Variants in ADGRL4 observed in about 807,000 individuals in gnomAD.
ADGRL4 encodes the protein adhesion G protein-coupled receptor L4.
In ADGRL4, 90 loss-of-function variants were observed where a neutral mutation model predicts 74.8. The ratio of observed to expected loss-of-function variants is 1.20; its 90% CI spans 1.02 to 1.43. The LOEUF is 1.43. Among genes scored for constraint, ADGRL4 ranks in the 40% most tolerant of loss-of-function variants. The probability of loss-of-function intolerance (pLI) is 0.00; values close to 1 mark genes in which losing one functional copy is unlikely to be tolerated. For missense variants in ADGRL4, 881 were observed against 814.3 expected, an observed-to-expected ratio of 1.08 and a Z score of -1.00; for synonymous variants, 311 against 279.2, an observed-to-expected ratio of 1.11 and a Z score of -1.14.
chr1:78,984,090 G>A (rs1650448733), intron 2 of ADGRL4, among the ~76,000 whole-genome samples: 1 of 151,726 alleles, frequency 6.6e-6, no homozygotes, highest in Non-Finnish European at 1.5e-5. Flanking sequence ...AGTACATTAA[G>A]AGACAGTAGA....
chr1:78,933,593 G>C (rs1466465201), intron 7 of ADGRL4, among the ~76,000 whole-genome samples: 1 of 151,360 alleles, frequency 6.6e-6, no homozygotes, highest in African/African-American at 2.5e-5. Flanking sequence ...AATCAGGCAA[G>C]AGAAAGAAAT....
At position 78,948,330 on chromosome 1, in the gene ADGRL4, A is replaced by G. The variant is rs1045485205; in HGVS notation, c.173-1904T>C. 2.0e-5 allele frequency among the ~76,000 whole-genome samples: 3 copies of G among 152,172 alleles called. No homozygotes were observed. In the East Asian group the frequency reaches 5.8e-4, roughly 29 times the overall value. ...GTATAGACCAGGTGGGTAATGTAAC[A>G]GTTTGATTCCATCAGGAGTCAGACA... On this transcript the variant is annotated intron_variant, in intron 2 of 14. Transcript: ENST00000370742.
At chr1:78,921,532 A>C (rs1648999465) in intron 9 of ADGRL4, 81 bp downstream of exon 9, 5 of 914,648 alleles carry the variant, frequency 5.5e-6, no homozygotes, top group Non-Finnish European at 7.6e-6. Context: ...AATATATAAA[A>C]AATTAAATAT....
intron 2 of ADGRL4, among the ~76,000 whole-genome samples, chr1:78,999,528 G>A (rs1044192666): frequency 2.6e-5 from 4 of 152,052 alleles, no homozygotes; most frequent in African/African-American, 7.2e-5. Flanking sequence ...AGCTGAGATC[G>A]CACCACTGCA....
intron 2 of ADGRL4, among the ~76,000 whole-genome samples, chr1:78,992,870 G>A (rs1342504996): frequency 6.6e-6 from 1 of 152,052 alleles, no homozygotes; most frequent in African/African-American, 2.4e-5. Flanking sequence ...ACAAATCTAT[G>A]TAACTTCAGA....
At chr1:78,960,999 T>C (rs1649940194) in intron 2 of ADGRL4, among the ~76,000 whole-genome samples, 1 of 152,238 alleles carries the variant, frequency 6.6e-6, no homozygotes, top group African/African-American at 2.4e-5. Context: ...TATTTATTCA[T>C]AAATAAATTG....
chr1:78,915,336 T>C (rs1244121433), intron 12 of ADGRL4, among the ~76,000 whole-genome samples: 1 of 151,880 alleles, frequency 6.6e-6, no homozygotes, highest in African/African-American at 2.4e-5. Flanking sequence ...CTCATTATAA[T>C]CTGGTATTCT....
intron 2 of ADGRL4, among the ~76,000 whole-genome samples, chr1:78,972,861 T>A (rs929352493): frequency 6.6e-6 from 1 of 152,190 alleles, no homozygotes; most frequent in African/African-American, 2.4e-5. Context: ...TGTTGCTGCA[T>A]ATCCCAGTCT....
intron 10 of ADGRL4, 28 bp from the exon 11 acceptor site, chr1:78,918,078 A>G (rs1648916913): frequency 7.0e-7 from 1 of 1,434,760 alleles, no homozygotes; most frequent in Admixed American, 1.9e-5. Context: ...AAAAAAAAAC[A>G]TTGTCAGTGT....
chr1:78,935,397 C>T (rs1649330961), intron 7 of ADGRL4, among the ~76,000 whole-genome samples: 1 of 151,924 alleles, frequency 6.6e-6, no homozygotes, highest in Non-Finnish European at 1.5e-5. Flanking sequence ...ACACCAGGGC[C>T]TGCTGGGGAG....
chr1:78,929,878 G>T (rs1000372134), intron 7 of ADGRL4, among the ~76,000 whole-genome samples: 3 of 151,234 alleles, frequency 2.0e-5, no homozygotes, highest in African/African-American at 7.4e-5. Flanking sequence ...CACTATAATC[G>T]GTATTTTCAA....
chr1:78,988,825 T>G (rs780323167), intron 2 of ADGRL4, among the ~76,000 whole-genome samples: 5 of 151,796 alleles, frequency 3.3e-5, no homozygotes, highest in Admixed American at 6.6e-5. Context: ...ACAAACAAAG[T>G]TGTGCTAATT....
chr1:79,001,651 C>T (rs569613523), intron 2 of ADGRL4, among the ~76,000 whole-genome samples: 1 of 152,070 alleles, frequency 6.6e-6, no homozygotes, highest in Admixed American at 6.6e-5. Context: ...CTTTGGTGAG[C>T]AGACTATTTA....
intron 8 of ADGRL4, among the ~76,000 whole-genome samples, chr1:78,924,374 A>T (rs1038483496): frequency 1.1e-4 from 17 of 152,046 alleles, no homozygotes; most frequent in African/African-American, 3.9e-4. Context: ...ACTGGAGAAT[A>T]TGCCACCAAA....
intron 3 of ADGRL4, among the ~76,000 whole-genome samples, chr1:78,945,424 T>G (rs1649580048): frequency 6.6e-6 from 1 of 151,934 alleles, no homozygotes; most frequent in African/African-American, 2.4e-5. Flanking sequence ...TAATAGTTAT[T>G]GATAAGTTGA....
chr1:78,905,398 T>C (rs1648615005), intron 12 of ADGRL4, among the ~76,000 whole-genome samples: 1 of 152,162 alleles, frequency 6.6e-6, no homozygotes, highest in Admixed American at 6.6e-5. Flanking sequence ...TATGAAATTC[T>C]GGGAATTTTA....
In ADGRL4 at chr1:78,926,870, C is replaced by G; in HGVS notation, c.1083+16G>C. The G allele has an allele frequency of 1.3e-6, 2 of 1,586,594 alleles. No individual in the cohort carries two copies. Among genetic ancestry groups the G allele is most frequent in the Non-Finnish European group, 1.7e-6 (2 of 1,156,758 alleles). On this transcript the variant is annotated intron_variant, in intron 8 of 14. Coordinates refer to ENST00000370742, the MANE Select transcript of ADGRL4 (RefSeq NM_022159.4). The stretch of plus-strand genomic sequence containing the variant: ...TATCACAATCATAGCCAATAACTAC[C>G]AGAAAAACAGCTTACCTTTCGATGA...
At chr1:78,962,176 C>G (rs142954330) in intron 2 of ADGRL4, among the ~76,000 whole-genome samples, 2 of 152,090 alleles carry the variant, frequency 1.3e-5, no homozygotes, top group Non-Finnish European at 2.9e-5. Context: ...CCACCGGGCC[C>G]GGCCTTCCAG....
At chr1:78,921,933 G>T in intron 8 of ADGRL4, 147 bp from the exon 9 acceptor site, 1 of 428,664 alleles carries the variant, frequency 2.3e-6, no homozygotes, top group Non-Finnish European at 4.1e-6. Context: ...CTGCTATGTG[G>T]CAGAATGGAA....
Sources: allele counts gnomAD v4.1 joint callset (sites outside exome capture counted in the v4.1 genomes callset), GRCh38; gene constraint gnomAD v4.1.1; transcripts MANE v1.5; gene names NCBI Gene and HGNC (gene_info 2026-07-23, HGNC 2026-07-21).